Variants in ACSS3 observed in about 807,000 individuals in gnomAD.
ACSS3 encodes acyl-CoA synthetase short-chain family member 3, mitochondrial.
Under a neutral mutation model 84.2 loss-of-function variants are expected in ACSS3, and 64 were observed. The ratio of observed to expected loss-of-function variants is 0.76; its 90% CI spans 0.62 to 0.94. The LOEUF is 0.94. Among genes scored for constraint, ACSS3 ranks in the 40% least tolerant of loss-of-function variants. ACSS3 has a pLI of 0.00. For missense variants in ACSS3, 815 were observed against 867.6 expected, an observed-to-expected ratio of 0.94 and a Z score of 0.76; for synonymous variants, 317 against 310.1, an observed-to-expected ratio of 1.02 and a Z score of -0.23.
intron 9 of ACSS3, among the ~76,000 whole-genome samples, chr12:81,202,539 T>C (rs1465882486): frequency 7.9e-5 from 12 of 152,148 alleles, no homozygotes; most frequent in Admixed American, 7.9e-4. Flanking sequence ...TAAGAGAAGG[T>C]TAGCTTTAAC....
At chr12:81,212,736 A>T (rs1463922285) in intron 9 of ACSS3, among the ~76,000 whole-genome samples, 1 of 152,190 alleles carries the variant, frequency 6.6e-6, no homozygotes, top group African/African-American at 2.4e-5. Context: ...TTTACTTCAG[A>T]GTCAGAAATT....
chr12:81,089,910 G>C (rs948970742), intron 1 of ACSS3, among the ~76,000 whole-genome samples: 32 of 152,114 alleles, frequency 2.1e-4, no homozygotes, highest in African/African-American at 7.7e-4. Context: ...CTTGTCCGAA[G>C]TTATACAGTG....
chr12:81,178,230 C>T lies in ACSS3; in HGVS notation c.1250+3291C>T, dbSNP rs541670463. ...ATCTCAAGGACAAAAAACCAAACAC[C>T]GCATGTTCTCACTCATAGGTGGGAA... On this transcript the variant is annotated intron_variant, in intron 8 of 15. Transcript: ENST00000548058. 2.6e-3 allele frequency among the ~76,000 whole-genome samples: 389 copies of T among 149,468 alleles called. 1 individual carries two copies. Among genetic ancestry groups the T allele is most frequent in the Non-Finnish European group, 4.2e-3 (286 of 67,394 alleles).
chr12:81,195,116 T>C (rs187005803), intron 8 of ACSS3, among the ~76,000 whole-genome samples: 2 of 152,154 alleles, frequency 1.3e-5, no homozygotes, highest in Admixed American at 1.3e-4. Context: ...ACCTGTAGAA[T>C]TATTCGTTTT....
At position 81,139,255 on chromosome 12, in the gene ACSS3, G is replaced by A. The variant is rs760262489; in HGVS notation, c.770G>A (p.Arg257His). The A allele has an allele frequency of 3.3e-5, 54 of 1,613,524 alleles. 1 individual carries two copies. Among genetic ancestry groups the A allele is most frequent in the South Asian group, 3.3e-4 (30 of 91,062 alleles). The change falls in exon 4 of 16, where the codon CGT becomes CAT. Residue 257 changes from arginine to histidine, a missense_variant. Transcript: ENST00000548058. ...CCAGACAAAATTCTCATTTATAATC[G>A]TCCAAATATGGTAATCTGAATATTG... The part of the protein sequence containing the change: ...HKPDKILIYN[R>H]PNMEAVPLAP...
chr12:81,211,249 G>A (rs1321481537), intron 9 of ACSS3, among the ~76,000 whole-genome samples: 2 of 152,128 alleles, frequency 1.3e-5, no homozygotes, highest in African/African-American at 2.4e-5. Flanking sequence ...CAAAATGCTG[G>A]GAATGCAGTC....
chr12:81,202,853 A>G (rs2032170801), intron 9 of ACSS3, among the ~76,000 whole-genome samples: 1 of 152,224 alleles, frequency 6.6e-6, no homozygotes, highest in African/African-American at 2.4e-5. Context: ...GGGACTCCGC[A>G]GTCAGTTCAT....
chr12:81,222,405 CT>C (rs1263912720), intron 11 of ACSS3, among the ~76,000 whole-genome samples: 1 of 151,846 alleles, frequency 6.6e-6, no homozygotes, highest in Non-Finnish European at 1.5e-5. Flanking sequence ...ATTTTGAAAC[CT>C]TTTTTCAGAA....
At chr12:81,134,327 A>C (rs1306689030) in intron 2 of ACSS3, among the ~76,000 whole-genome samples, 1 of 152,134 alleles carries the variant, frequency 6.6e-6, no homozygotes, top group Non-Finnish European at 1.5e-5. Context: ...TTGCTTTATT[A>C]GTGTTTAGTG....
chr12:81,083,562 A>G (rs1191846845), intron 1 of ACSS3, among the ~76,000 whole-genome samples: 2 of 151,558 alleles, frequency 1.3e-5, no homozygotes, highest in Non-Finnish European at 2.9e-5. Context: ...GGGTTTCACC[A>G]TGTTGGCCAG....
chr12:81,097,586 C>T (rs796805614), intron 1 of ACSS3, among the ~76,000 whole-genome samples: 2 of 152,270 alleles, frequency 1.3e-5, no homozygotes, highest in African/African-American at 4.8e-5. Flanking sequence ...GATCACCCTC[C>T]ACTTGTGTCC....
intron 7 of ACSS3, among the ~76,000 whole-genome samples, chr12:81,168,460 C>T (rs903457009): frequency 2.6e-5 from 4 of 152,122 alleles, no homozygotes; most frequent in African/African-American, 4.8e-5. Flanking sequence ...CTCTGAAGTT[C>T]GAGTCAGGAA....
intron 12 of ACSS3, among the ~76,000 whole-genome samples, chr12:81,231,566 G>A (rs765469323): frequency 6.6e-6 from 1 of 151,692 alleles, no homozygotes; most frequent in Non-Finnish European, 1.5e-5. Context: ...CATTCAGCTT[G>A]CCCAGAAGTT....
At chr12:81,126,165 C>T (rs1410923936) in intron 2 of ACSS3, among the ~76,000 whole-genome samples, 1 of 152,212 alleles carries the variant, frequency 6.6e-6, no homozygotes, top group Admixed American at 6.5e-5. Flanking sequence ...TGTTTTCTCT[C>T]TCTATACTAA....
chr12:81,245,544 G>A (rs2033956622), intron 13 of ACSS3, among the ~76,000 whole-genome samples: 1 of 152,178 alleles, frequency 6.6e-6, no homozygotes, highest in South Asian at 2.1e-4. Flanking sequence ...GTTAGGCTCT[G>A]AGAAAACTCC....
At chr12:81,123,062 TA>T (rs34274382) in intron 2 of ACSS3, among the ~76,000 whole-genome samples, 1 of 151,624 alleles carries the variant, frequency 6.6e-6, no homozygotes, top group Non-Finnish European at 1.5e-5. Context: ...GCATTTGCAG[TA>T]AAAAAAATCA....
intron 2 of ACSS3, among the ~76,000 whole-genome samples, chr12:81,113,978 TTATA>T (rs1214513134): frequency 6.6e-6 from 1 of 152,082 alleles, no homozygotes; most frequent in Non-Finnish European, 1.5e-5. Flanking sequence ...TATGTATATC[TTATA>T]TATATAGTAC....
chr12:81,201,039 GT>G (rs1204451861), intron 9 of ACSS3, among the ~76,000 whole-genome samples: 2 of 152,082 alleles, frequency 1.3e-5, no homozygotes, highest in Non-Finnish European at 2.9e-5. Context: ...ATTCCTTCCA[GT>G]TTTATTTACT....
At chr12:81,078,589 A>G (rs1880771529) in intron 1 of ACSS3, among the ~76,000 whole-genome samples, 158 bp downstream of exon 1, 1 of 152,158 alleles carries the variant, frequency 6.6e-6, no homozygotes, top group Non-Finnish European at 1.5e-5. Context: ...TCAATTTCAT[A>G]GTCAGTTCTC....
Sources: gnomAD v4.1 joint callset for allele counts (sites outside exome capture counted in the v4.1 genomes callset) on GRCh38, gnomAD v4.1.1 for gene constraint, MANE v1.5 for transcripts, NCBI Gene and HGNC (gene_info 2026-07-23, HGNC 2026-07-21) for gene names.